CACNG2: variants seen among roughly 807,000 people sequenced by gnomAD.
The protein encoded by CACNG2 is voltage-dependent calcium channel gamma-2 subunit.
A neutral mutation model predicts 25.9 loss-of-function variants in CACNG2; 3 were observed. The ratio of observed to expected loss-of-function variants is 0.12; its 90% confidence interval spans 0.05 to 0.30. The LOEUF (loss-of-function observed/expected upper bound fraction) is 0.30, where lower values mean the gene tolerates loss of function less well. CACNG2 is among the 10% of genes least tolerant of loss of function. The pLI is 1.00. For synonymous variants in CACNG2, 167 were observed against 173.3 expected, an observed-to-expected ratio of 0.96 and a Z score of 0.29; for missense variants, 341 against 432.5, an observed-to-expected ratio of 0.79 and a Z score of 1.88.
At chr22:36,651,314 C>T (rs1167562154) in intron 1 of CACNG2, among the ~76,000 whole-genome samples, 2 of 148,794 alleles carry the variant, frequency 1.3e-5, no homozygotes, top group African/African-American at 2.5e-5. Flanking sequence ...CTGCAACCTC[C>T]GCCTCCCAGG....
At chr22:36,652,755 T>A (rs1936639415) in intron 1 of CACNG2, among the ~76,000 whole-genome samples, 2 of 152,122 alleles carry the variant, frequency 1.3e-5, no homozygotes, top group African/African-American at 4.8e-5. Flanking sequence ...TAACAGGTGC[T>A]CAGTAATGTT....
chr22:36,668,305 G>A (rs1601445972), intron 1 of CACNG2, among the ~76,000 whole-genome samples: 1 of 152,194 alleles, frequency 6.6e-6, no homozygotes, highest in South Asian at 2.1e-4. Context: ...ATTAGCCTGG[G>A]TTCTCCAGAG....
chr22:36,678,950 T>A (rs1391496788), intron 1 of CACNG2, among the ~76,000 whole-genome samples: 1 of 152,158 alleles, frequency 6.6e-6, no homozygotes, highest in Non-Finnish European at 1.5e-5. Context: ...TGTCAAGCCC[T>A]CTGACACAGC....
Position 36,702,768 on chromosome 22 carries a change from T to C in CACNG2, c.-192A>G. On this transcript the variant is annotated 5_prime_UTR_variant, in exon 1 of 4. Coordinates refer to ENST00000300105, the MANE Select transcript of CACNG2 (RefSeq NM_006078.5). ...AGGTAAGAAAGCTCACGGAAAAGAG[T>C]GTAAATTATAAAGATCACACGGGAA... is the stretch of plus-strand genomic sequence containing the variant. 1 of 553,344 alleles carries C rather than the reference T, an allele frequency of 1.8e-6. No homozygotes were observed. The highest frequency in any genetic ancestry group is 2.9e-5 in the East Asian group (1 of 33,902). 34.3% of individuals were successfully genotyped at this position (553,344 alleles called of 1,614,324 possible).
intron 1 of CACNG2, among the ~76,000 whole-genome samples, chr22:36,596,153 G>A (rs1372494337): frequency 4.6e-5 from 7 of 152,244 alleles, no homozygotes; most frequent in East Asian, 1.9e-4. Flanking sequence ...GAGCTGAGGC[G>A]TGGGGAGGAG....
At chr22:36,695,816 AG>A (rs1296759760) in intron 1 of CACNG2, among the ~76,000 whole-genome samples, 1 of 152,128 alleles carries the variant, frequency 6.6e-6, no homozygotes, top group Non-Finnish European at 1.5e-5. Context: ...GGGTTCAACA[AG>A]GGCAGTGACC....
chr22:36,592,786 G>C (rs937860439), intron 1 of CACNG2, among the ~76,000 whole-genome samples: 36 of 152,110 alleles, frequency 2.4e-4, no homozygotes, highest in Admixed American at 1.9e-3. Context: ...ATTCCACCTC[G>C]GCGAGTGCAG....
intron 2 of CACNG2, among the ~76,000 whole-genome samples, chr22:36,573,400 G>C (rs1265156252): frequency 6.6e-6 from 1 of 151,974 alleles, no homozygotes; most frequent in East Asian, 1.9e-4. Flanking sequence ...GCGTGATCTC[G>C]GCTCACTGTA....
chr22:36,674,181 C>T (rs767893809), intron 1 of CACNG2, among the ~76,000 whole-genome samples: 51 of 152,248 alleles, frequency 3.3e-4, no homozygotes, highest in Non-Finnish European at 2.8e-4. Context: ...GGCTCAGAGC[C>T]AGCCTGCACT....
chr22:36,643,936 G>A (rs1235534962), intron 1 of CACNG2, among the ~76,000 whole-genome samples: 1 of 152,124 alleles, frequency 6.6e-6, no homozygotes, highest in Admixed American at 6.6e-5. Flanking sequence ...TCCGGAAAAT[G>A]GCAGAGTTGA....
intron 1 of CACNG2, among the ~76,000 whole-genome samples, chr22:36,659,723 C>T (rs929233927): frequency 2.0e-5 from 3 of 152,024 alleles, no homozygotes; most frequent in Non-Finnish European, 2.9e-5. Flanking sequence ...CTGAGATAGG[C>T]TTTGCTTGGG....
chr22:36,611,185 G>T (rs1177551439), intron 1 of CACNG2, among the ~76,000 whole-genome samples: 2 of 152,176 alleles, frequency 1.3e-5, no homozygotes, highest in East Asian at 3.9e-4. Context: ...GACTGCGGGG[G>T]CTGGGATGGT....
At chr22:36,630,687 T>C (rs577380566) in intron 1 of CACNG2, among the ~76,000 whole-genome samples, 1 of 152,238 alleles carries the variant, frequency 6.6e-6, no homozygotes, top group East Asian at 1.9e-4. Flanking sequence ...TTTTGAGACA[T>C]GAGCTTCCAG....
At chr22:36,579,736 T>A (rs1019412251) in intron 2 of CACNG2, among the ~76,000 whole-genome samples, 1 of 152,222 alleles carries the variant, frequency 6.6e-6, no homozygotes, top group Non-Finnish European at 1.5e-5. Context: ...CTGGCTGTTA[T>A]GAACCTGCCA....
intron 1 of CACNG2, among the ~76,000 whole-genome samples, chr22:36,680,654 A>C (rs1177929586): frequency 8.2e-5 from 6 of 73,326 alleles, no homozygotes; most frequent in African/African-American, 2.8e-4. Flanking sequence ...CATTATCACC[A>C]CCATCACCAC....
At chr22:36,638,804 T>G (rs543884116) in intron 1 of CACNG2, among the ~76,000 whole-genome samples, 8 of 152,312 alleles carry the variant, frequency 5.3e-5, no homozygotes, top group Middle Eastern at 6.8e-3. Context: ...CACAGTACAT[T>G]TCCAATAAGC....
At chr22:36,609,855 C>T (rs145334567) in intron 1 of CACNG2, among the ~76,000 whole-genome samples, 1 of 144,570 alleles carries the variant, frequency 6.9e-6, no homozygotes, top group East Asian at 2.1e-4. Context: ...TTTGATCGAG[C>T]AGGAATCAGC....
intron 2 of CACNG2, among the ~76,000 whole-genome samples, chr22:36,586,501 A>C (rs1175624223): frequency 6.6e-6 from 1 of 152,244 alleles, no homozygotes; most frequent in Non-Finnish European, 1.5e-5. Context: ...TTTTCAATGA[A>C]ACCAGATTCC....
intron 1 of CACNG2, among the ~76,000 whole-genome samples, chr22:36,694,703 A>T (rs1481126959): frequency 1.3e-5 from 2 of 151,876 alleles, no homozygotes; most frequent in Non-Finnish European, 2.9e-5. Flanking sequence ...CCCTGCTAGG[A>T]CTCCCCTGGA....
Sources: allele counts gnomAD v4.1 joint callset (sites outside exome capture counted in the v4.1 genomes callset), GRCh38; gene constraint gnomAD v4.1.1; transcripts MANE v1.5; gene names NCBI Gene and HGNC (gene_info 2026-07-23, HGNC 2026-07-21).